The following FNIP1 variants were observed in gnomAD, a reference collection of about 807,000 sequenced individuals.
FNIP1 encodes the protein folliculin interacting protein 1.
In FNIP1, 40 loss-of-function variants were observed where a neutral mutation model predicts 124.5. The ratio of observed to expected loss-of-function variants is 0.32; its 90% confidence interval spans 0.25 to 0.42. The LOEUF is 0.42. Ranked by LOEUF, FNIP1 falls within the 10% of genes least tolerant of loss-of-function variation. FNIP1 has a pLI of 1.00. For missense variants in FNIP1, 1,176 were observed against 1,403.7 expected, an observed-to-expected ratio of 0.84 and a Z score of 2.59; for synonymous variants, 472 against 470.6, an observed-to-expected ratio of 1.00 and a Z score of -0.04.
chr5:131,751,118 C>T (rs1299483916), intron 1 of FNIP1, among the ~76,000 whole-genome samples: 1 of 152,096 alleles, frequency 6.6e-6, no homozygotes, highest in African/African-American at 2.4e-5. Context: ...TCTGCCTTTC[C>T]AGACTCTTTT....
intron 11 of FNIP1, among the ~76,000 whole-genome samples, chr5:131,687,180 A>C (rs958003242): frequency 1.2e-3 from 173 of 149,740 alleles, no homozygotes; most frequent in Non-Finnish European, 1.3e-3. Context: ...ATCTCGGCTC[A>C]CTGTAACCTC....
intron 2 of FNIP1, among the ~76,000 whole-genome samples, chr5:131,734,627 C>A (rs186203127): frequency 1.2e-3 from 178 of 152,214 alleles, no homozygotes; most frequent in African/African-American, 4.0e-3. Flanking sequence ...AAAAAACAAA[C>A]AACCCCATCA....
chr5:131,669,311 C>G lies in FNIP1; in HGVS notation c.3108+1152G>C, dbSNP rs934262680. On this transcript the variant is annotated intron_variant, in intron 15 of 17. Transcript: ENST00000510461. Reference sequence around the variant, plus strand: ...AAGTAGTACTAATCTTCTGGAAACTCTTCCAGAAAATAGAGGATGTGCCAA... The same window carrying G: ...AAGTAGTACTAATCTTCTGGAAACTGTTCCAGAAAATAGAGGATGTGCCAA... Among the ~76,000 whole-genome samples the G allele has an allele frequency of 2.6e-5, 4 of 152,220 alleles. No individual in the cohort carries two copies. In the East Asian group the frequency reaches 7.7e-4, roughly 29 times the overall value.
chr5:131,784,471 A>C (rs1772095238), intron 1 of FNIP1, among the ~76,000 whole-genome samples: 1 of 152,206 alleles, frequency 6.6e-6, no homozygotes, highest in Admixed American at 6.5e-5. Flanking sequence ...TAAATCTTTA[A>C]TTATCAGGAA....
chr5:131,732,802 G>A (rs1355622569), intron 2 of FNIP1, among the ~76,000 whole-genome samples: 2 of 152,118 alleles, frequency 1.3e-5, no homozygotes, highest in African/African-American at 2.4e-5. Context: ...GGATTGACTT[G>A]GCAATGTGGG....
At chr5:131,665,073 G>C (rs961315287) in intron 15 of FNIP1, among the ~76,000 whole-genome samples, 1 of 151,862 alleles carries the variant, frequency 6.6e-6, no homozygotes, top group Non-Finnish European at 1.5e-5. Context: ...CATACATACA[G>C]AATAATAATC....
chr5:131,790,299 C>A (rs1223746824), intron 1 of FNIP1, among the ~76,000 whole-genome samples: 1 of 151,776 alleles, frequency 6.6e-6, no homozygotes, highest in Non-Finnish European at 1.5e-5. Flanking sequence ...GGCAACGTGG[C>A]GAAACCCCGT....
At chr5:131,742,328 G>T (rs1770538541) in intron 2 of FNIP1, among the ~76,000 whole-genome samples, 1 of 152,110 alleles carries the variant, frequency 6.6e-6, no homozygotes, top group South Asian at 2.1e-4. Context: ...CCCAGGTGTG[G>T]TGGTGCACAC....
At chr5:131,708,180 G>C (rs1276676877) in intron 8 of FNIP1, among the ~76,000 whole-genome samples, 2 of 152,138 alleles carry the variant, frequency 1.3e-5, no homozygotes, top group Admixed American at 6.5e-5. Context: ...TTACACGAGA[G>C]TCTTTGAAAG....
rs537341977 is a variant in FNIP1 at position 131,764,069 on chromosome 5, G to A, written c.93-19379C>T. ...TCTTGAGATCTGGTTGTTTAAAAGC[G>A]TGTGGTACGCCCCCTTGCCTTTTTT... is the stretch of plus-strand genomic sequence containing the variant. On this transcript the variant is annotated intron_variant, in intron 1 of 17. Coordinates refer to ENST00000510461, the MANE Select transcript of FNIP1 (RefSeq NM_133372.3). 1.0e-3 allele frequency among the ~76,000 whole-genome samples: 157 copies of A among 152,014 alleles called. 1 individual carries two copies. Among genetic ancestry groups the A allele is most frequent in the African/African-American group, 3.6e-3 (150 of 41,488 alleles).
intron 1 of FNIP1, among the ~76,000 whole-genome samples, chr5:131,750,856 G>A (rs1374691186): frequency 6.6e-6 from 1 of 152,086 alleles, no homozygotes; most frequent in Admixed American, 6.5e-5. Context: ...CAAGTAATCT[G>A]CTGGGATTAC....
Position 131,677,570 on chromosome 5 carries a change from G to C in FNIP1, c.1519+133C>G, listed in dbSNP as rs992118881. ...TAAGACAAATTGGCAGACATGAAAG[G>C]ACAAGCAAAGCAGAGATGCTTTAGA... On this transcript the variant is annotated intron_variant, in intron 13 of 17. Transcript: ENST00000510461. The C allele has an allele frequency of 1.1e-5, 9 of 802,700 alleles. No individual in the cohort carries two copies. The African/African-American group carries it at 1.6e-4, about 14-fold the overall frequency. 49.7% of individuals were successfully genotyped at this position (802,700 alleles called of 1,614,324 possible). A position where few individuals can be genotyped will look rare whatever the true frequency, so the allele number is the denominator to read the frequency against.
intron 2 of FNIP1, among the ~76,000 whole-genome samples, chr5:131,733,535 T>C (rs895806526): frequency 4.0e-4 from 61 of 152,234 alleles, no homozygotes; most frequent in African/African-American, 1.5e-3. Context: ...GTTTTTAGCA[T>C]GAAGGGCTGT....
chr5:131,685,438 C>A (rs1349273673), intron 11 of FNIP1, among the ~76,000 whole-genome samples: 1 of 144,686 alleles, frequency 6.9e-6, no homozygotes, highest in Admixed American at 7.6e-5. Context: ...GAAGCAAAAC[C>A]CTTAAGAATC....
intron 2 of FNIP1, among the ~76,000 whole-genome samples, chr5:131,733,138 A>C (rs572352109): frequency 6.6e-6 from 1 of 151,852 alleles, no homozygotes; most frequent in Non-Finnish European, 1.5e-5. Context: ...TTTGTCTGTT[A>C]TTGGTGTATA....
chr5:131,647,505 T>G (rs1399433595), intron 16 of FNIP1, among the ~76,000 whole-genome samples: 1 of 152,026 alleles, frequency 6.6e-6, no homozygotes, highest in Non-Finnish European at 1.5e-5. Context: ...GATGGAGTCT[T>G]GCTCTGTTAA....
At chr5:131,734,593 A>T (rs57579802) in intron 2 of FNIP1, among the ~76,000 whole-genome samples, 4,592 of 152,216 alleles carry the variant, frequency 0.03, 233 homozygotes, top group African/African-American at 0.1. Flanking sequence ...GAATCTACAA[A>T]GAACTCAAAC....
intron 1 of FNIP1, among the ~76,000 whole-genome samples, chr5:131,750,346 A>T (rs1187649077): frequency 1.3e-5 from 2 of 152,152 alleles, no homozygotes; most frequent in African/African-American, 4.8e-5. Context: ...GACAAGGAAT[A>T]GGAGGCTATA....
chr5:131,719,646 A>G lies in FNIP1; in HGVS notation c.355-229T>C, dbSNP rs565911404. On this transcript the variant is annotated intron_variant, in intron 3 of 17. Transcript: ENST00000510461. ...TAATTCCTTTTAAGAGCTGTACAAT[A>G]TTTTATTGTATGAAAATACTACAGT... is the stretch of plus-strand genomic sequence containing the variant. Among the ~76,000 whole-genome samples the G allele has an allele frequency of 2.0e-5, 3 of 152,292 alleles. No homozygotes were observed. In the South Asian group the frequency reaches 6.2e-4, roughly 32 times the overall value.
Sources: allele counts gnomAD v4.1 joint callset (sites outside exome capture counted in the v4.1 genomes callset), GRCh38; gene constraint gnomAD v4.1.1; transcripts MANE v1.5; gene names NCBI Gene and HGNC (gene_info 2026-07-23, HGNC 2026-07-21).